Variants in RBMS3 observed in about 807,000 individuals in gnomAD.
RBMS3 encodes RNA-binding motif, single-stranded-interacting protein 3.
In RBMS3, 27 loss-of-function variants were observed where a neutral mutation model predicts 66.8. The observed-to-expected ratio is 0.40, with a 90% CI of 0.30 to 0.56. RBMS3 has a LOEUF of 0.56. Ranked by LOEUF, RBMS3 falls within the 20% of genes least tolerant of loss-of-function variation. The probability of loss-of-function intolerance (pLI) is 0.40; values close to 1 mark genes in which losing one functional copy is unlikely to be tolerated. For synonymous variants in RBMS3, 188 were observed against 183.0 expected (o/e 1.03, Z -0.22); for missense variants, 513 against 549.5 (o/e 0.93, Z 0.66).
chr3:29,291,989 G>A (rs963483621), intron 1 of RBMS3, among the ~76,000 whole-genome samples: 2 of 151,616 alleles, frequency 1.3e-5, no homozygotes, highest in South Asian at 4.2e-4. Flanking sequence ...TCTTATTCAG[G>A]AAATAATTTT....
chr3:29,357,296 G>A (rs556043406), intron 1 of RBMS3, among the ~76,000 whole-genome samples: 1 of 152,208 alleles, frequency 6.6e-6, no homozygotes, highest in East Asian at 1.9e-4. Flanking sequence ...AGAACACGCG[G>A]TGTTTGGTTT....
chr3:29,317,384 C>G lies in RBMS3; in HGVS notation c.75+35628C>G, dbSNP rs149060302. Among the ~76,000 whole-genome samples the G allele has an allele frequency of 2.7e-3, 411 of 151,780 alleles. 2 individuals are homozygous for G. Among genetic ancestry groups the G allele is most frequent in the African/African-American group, 9.2e-3 (380 of 41,460 alleles). ...ATTGAGTTTTGTTTGGTATTTCTCT[C>G]TGGTTTTCGGTGTTGCTTGAACCTA... On this transcript the variant is annotated intron_variant, in intron 1 of 14. Coordinates refer to ENST00000383767, the MANE Select transcript of RBMS3 (RefSeq NM_001003793.3).
chr3:29,458,944 A>G lies in RBMS3; in HGVS notation c.248+24029A>G, dbSNP rs552012376. On this transcript the variant is annotated intron_variant, in intron 2 of 14. Coordinates refer to ENST00000383767, the MANE Select transcript of RBMS3 (RefSeq NM_001003793.3). ...AATTTATCTAATATTTTTCTCTACA[A>G]TTAATGCATTTTCCTATTACATCAT... Among the ~76,000 whole-genome samples the G allele has an allele frequency of 6.6e-5, 10 of 152,282 alleles. No homozygotes were observed. In the East Asian group the frequency reaches 1.9e-3, roughly 29 times the overall value.
rs2037331376 is a variant in RBMS3 at position 29,358,001 on chromosome 3, G to T, written c.75+76245G>T. Among the ~76,000 whole-genome samples the T allele has an allele frequency of 2.0e-5, 3 of 152,024 alleles. 1 individual carries two copies. In the South Asian group the frequency reaches 6.2e-4, roughly 32 times the overall value. ...AAAATTTTCTCCTATTCTCTAGGTT[G>T]CCTGTTCACTCTGATGGTAGTTTCT... On this transcript the variant is annotated intron_variant, in intron 1 of 14. Coordinates refer to ENST00000383767, the MANE Select transcript of RBMS3 (RefSeq NM_001003793.3).
At chr3:29,437,118 A>G (rs1337472417) in intron 2 of RBMS3, among the ~76,000 whole-genome samples, 2 of 152,208 alleles carry the variant, frequency 1.3e-5, no homozygotes, top group Non-Finnish European at 2.9e-5. Context: ...ACTTGAGCCA[A>G]TTGTTACATA....
chr3:29,608,768 G>T (rs2048395178), intron 4 of RBMS3, among the ~76,000 whole-genome samples: 2 of 151,970 alleles, frequency 1.3e-5, no homozygotes, highest in Admixed American at 1.3e-4. Flanking sequence ...ATAGCTGAGA[G>T]GGCAAGAGAT....
intron 4 of RBMS3, among the ~76,000 whole-genome samples, chr3:29,645,204 A>G (rs2049870839): frequency 6.6e-6 from 1 of 152,226 alleles, no homozygotes; most frequent in South Asian, 2.1e-4. Flanking sequence ...GAGCAATGGA[A>G]CCTCTATGTA....
At chr3:29,735,584 A>G (rs1487876196) in intron 4 of RBMS3, among the ~76,000 whole-genome samples, 1 of 152,226 alleles carries the variant, frequency 6.6e-6, no homozygotes, top group Non-Finnish European at 1.5e-5. Flanking sequence ...GACTGTGTGT[A>G]GAATACTAGC....
At chr3:29,467,144 C>G (rs973243025) in intron 2 of RBMS3, among the ~76,000 whole-genome samples, 1 of 151,962 alleles carries the variant, frequency 6.6e-6, no homozygotes, top group Non-Finnish European at 1.5e-5. Context: ...CTAAATGAGA[C>G]CAAAGTGCCT....
At chr3:29,771,098 G>C (rs554883721) in intron 6 of RBMS3, among the ~76,000 whole-genome samples, 3 of 151,956 alleles carry the variant, frequency 2.0e-5, no homozygotes, top group South Asian at 4.1e-4. Context: ...GAAAACAGTA[G>C]GCAAGCTCTG....
At chr3:29,464,768 GTCC>G (rs2042481732) in intron 2 of RBMS3, among the ~76,000 whole-genome samples, 1 of 152,116 alleles carries the variant, frequency 6.6e-6, no homozygotes, top group South Asian at 2.1e-4. Flanking sequence ...TTTCAGACTT[GTCC>G]TCCTCTGTTC....
chr3:29,655,600 T>C (rs541860555), intron 4 of RBMS3, among the ~76,000 whole-genome samples: 1 of 152,366 alleles, frequency 6.6e-6, no homozygotes, highest in South Asian at 2.1e-4. Flanking sequence ...GCCAGTCATA[T>C]GAAAGTATAG....
chr3:29,584,193 C>T (rs181593775), intron 3 of RBMS3, among the ~76,000 whole-genome samples: 18 of 152,268 alleles, frequency 1.2e-4, no homozygotes, highest in Middle Eastern at 3.4e-3. Context: ...CTCTCAGTAG[C>T]ATTTCACATA....
In RBMS3 at chr3:29,281,475, C is replaced by CCT. The variant is rs2031772307; in HGVS notation, c.-207_-206insCT. 6.5e-6 allele frequency: 3 copies of CCT among 464,746 alleles called. No individual in the cohort carries two copies. Among genetic ancestry groups the CCT allele is most frequent in the East Asian group, 3.8e-5 (1 of 26,560 alleles). The allele number at this position is 464,746 out of a possible 1,614,324, so 28.8% of individuals were successfully genotyped here. On this transcript the variant is annotated 5_prime_UTR_variant, in exon 1 of 15. Coordinates refer to ENST00000383767, the MANE Select transcript of RBMS3 (RefSeq NM_001003793.3). The stretch of plus-strand genomic sequence containing the variant: ...TTTTCTACAGATCTCACTCCTCGCC[C>CCT]TTTTTTTTTTTCCTTTGGTGTGTGT...
At chr3:29,474,983 T>A (rs1394733114) in intron 2 of RBMS3, among the ~76,000 whole-genome samples, 1 of 152,142 alleles carries the variant, frequency 6.6e-6, no homozygotes, top group African/African-American at 2.4e-5. Context: ...TGATATAGTA[T>A]AAATAAGATA....
At chr3:29,620,500 CTCTT>C (rs1240297292) in intron 4 of RBMS3, among the ~76,000 whole-genome samples, 2 of 152,224 alleles carry the variant, frequency 1.3e-5, no homozygotes, top group East Asian at 3.9e-4. Context: ...TACGATAAAA[CTCTT>C]ATGACATGGG....
chr3:29,450,636 A>G (rs561315465), intron 2 of RBMS3, among the ~76,000 whole-genome samples: 3 of 152,082 alleles, frequency 2.0e-5, no homozygotes, highest in Non-Finnish European at 4.4e-5. Context: ...AAATTACCGC[A>G]AGGATATTAT....
At chr3:29,852,432 T>A (rs1048180312) in intron 6 of RBMS3, among the ~76,000 whole-genome samples, 1 of 152,136 alleles carries the variant, frequency 6.6e-6, no homozygotes, top group Non-Finnish European at 1.5e-5. Context: ...GGTCTAATAT[T>A]GAGCATCTTT....
intron 4 of RBMS3, among the ~76,000 whole-genome samples, chr3:29,606,438 G>C (rs922516731): frequency 1.3e-5 from 2 of 151,842 alleles, no homozygotes; most frequent in Non-Finnish European, 2.9e-5. Context: ...AAATTTACTG[G>C]ATCCCAGAGG....
Sources: gnomAD v4.1 joint callset for allele counts (sites outside exome capture counted in the v4.1 genomes callset) on GRCh38, gnomAD v4.1.1 for gene constraint, MANE v1.5 for transcripts, NCBI Gene and HGNC (gene_info 2026-07-23, HGNC 2026-07-21) for gene names.